Variants in ZIM3 observed in about 807,000 individuals in gnomAD.
The protein encoded by ZIM3 is zinc finger protein 657.
In ZIM3, 11 loss-of-function variants were observed where a neutral mutation model predicts 12.9. The observed-to-expected ratio is 0.85, with a 90% confidence interval of 0.54 to 1.41. ZIM3 has a LOEUF of 1.41. ZIM3 is among the 40% of genes most tolerant of loss of function. ZIM3 has a pLI of 0.00. For synonymous variants in ZIM3, 205 were observed against 198.5 expected (o/e 1.03, Z -0.28); for missense variants, 604 against 557.2 (o/e 1.08, Z -0.85).
rs150862431 is a variant in ZIM3 at position 57,135,688 on chromosome 19, G to C, written c.649C>G (p.His217Asp). ...KWKLDKHQKT[H>D]AEERPYKCEN... ...CATTTATAGGGCCTTTCCTCTGCGTGAGTTTTCTGATGTTTATCAAGCTTC... is the reference window on the plus strand; with the variant it reads ...CATTTATAGGGCCTTTCCTCTGCGTCAGTTTTCTGATGTTTATCAAGCTTC... The change falls in exon 5 of 5, where the codon CAC (histidine) becomes GAC (aspartate). Residue 217 changes from histidine (H) to aspartate (D), a missense_variant. By Grantham distance (81) the His-to-Asp change is moderately conservative (BLOSUM62 -1). Transcript: ENST00000269834. The C allele has an allele frequency of 5.3e-4, 852 of 1,613,634 alleles. 1 individual carries two copies. The highest frequency in any genetic ancestry group is 7.0e-4 in the Non-Finnish European group (830 of 1,179,988).
At position 57,137,910 on chromosome 19, in the gene ZIM3, G is replaced by A. The variant is rs1378534673; in HGVS notation, c.142+562C>T. ...AGGAAAGAAGGAAGGAAAGAAGGAA[G>A]GAAGGAAGGAAAGAAGGAAGGAAGG... On this transcript the variant is annotated intron_variant, in intron 3 of 4. Coordinates refer to ENST00000269834, the MANE Select transcript of ZIM3 (RefSeq NM_052882.1). Among the ~76,000 whole-genome samples, 22 of 48,558 alleles carry A rather than the reference G, an allele frequency of 4.5e-4. 1 individual carries two copies. The highest frequency in any genetic ancestry group is 2.2e-3 in the African/African-American group (20 of 8,892). The allele number at this position is 48,558 out of a possible 152,430, so 31.9% of individuals were successfully genotyped here.
rs1480621503 is a variant in ZIM3 at position 57,135,695 on chromosome 19, C to A, written c.642G>T (p.Gln214His). 4 of 1,613,684 alleles carry A rather than the reference C, an allele frequency of 2.5e-6. No homozygotes were observed. Among genetic ancestry groups the A allele is most frequent in the Non-Finnish European group, 3.4e-6 (4 of 1,180,010 alleles). The part of the protein sequence containing the change: ...FGEKWKLDKH[Q>H]KTHAEERPYK... ...AGGGCCTTTCCTCTGCGTGAGTTTT[C>A]TGATGTTTATCAAGCTTCCACTTCT... The change falls in exon 5 of 5, where the codon CAG (glutamine) becomes CAT (histidine). Residue 214 changes from glutamine (Q) to histidine (H), a missense_variant. Transcript: ENST00000269834.
intron 2 of ZIM3, among the ~76,000 whole-genome samples, chr19:57,141,317 C>T (rs530954106): frequency 2.0e-5 from 3 of 148,918 alleles, no homozygotes; most frequent in Non-Finnish European, 4.4e-5. Context: ...AGGAGAATCG[C>T]TTGAACCTGG....
rs1370447310 is a variant in ZIM3, at chr19:57,137,094, TTA to T, written c.143-125_143-124del. The T allele has an allele frequency of 6.6e-6, 6 of 909,874 alleles. No homozygotes were observed. The African/African-American group carries it at 9.8e-5, about 15-fold the overall frequency. The allele number at this position is 909,874 out of a possible 1,614,324, so 56.4% of individuals were successfully genotyped here. ...AATATTTGTGTGTGAGTGTGAGCAT[TTA>T]TATGTCAGTGTGTGGGTATGTGCCA... On this transcript the variant is annotated intron_variant, in intron 3 of 4. Transcript: ENST00000269834.
chr19:57,137,068 G>T, intron 3 of ZIM3, 97 bp from the exon 4 acceptor site: 1 of 1,107,936 alleles, frequency 9.0e-7, no homozygotes, highest in Non-Finnish European at 1.4e-6. Flanking sequence ...ATGCTTGTGT[G>T]AATATTTGTG....
chr19:57,136,751 C>G (rs929307333), intron 4 of ZIM3, 122 bp downstream of exon 4: 2 of 708,132 alleles, frequency 2.8e-6, no homozygotes, highest in Non-Finnish European at 4.9e-6. Context: ...GAGAAAAATA[C>G]CTGGAGATTT....
Position 57,134,920 on chromosome 19 carries a change from A to T in ZIM3, c.1417T>A (p.Ter473LysextTer24). The part of the protein sequence containing the change: ...VRHQKRIHSR[*>K] Reference sequence around the variant, plus strand: ...GTTTTTTTAAGTGCATGGGGCTCCTATCTGGAGTGAATTCTTTTCTGGTGC... The same window carrying T: ...GTTTTTTTAAGTGCATGGGGCTCCTTTCTGGAGTGAATTCTTTTCTGGTGC... Residue 473 changes from the stop codon to lysine, a stop_lost, in exon 5 of 5, where the codon TAG (stop) becomes AAG (lysine). Coordinates refer to ENST00000269834, the MANE Select transcript of ZIM3 (RefSeq NM_052882.1). 1 of 1,609,456 alleles carries T rather than the reference A, an allele frequency of 6.2e-7. No homozygotes were observed. Among genetic ancestry groups the T allele is most frequent in the Non-Finnish European group, 8.5e-7 (1 of 1,177,588 alleles).
intron 2 of ZIM3, among the ~76,000 whole-genome samples, chr19:57,138,899 G>A (rs1395154342): frequency 6.6e-6 from 1 of 152,166 alleles, no homozygotes; most frequent in Non-Finnish European, 1.5e-5. Flanking sequence ...TTTACTTAGA[G>A]TAAGGCAGAG....
At chr19:57,136,655 G>A (rs1273389617) in intron 4 of ZIM3, among the ~76,000 whole-genome samples, 9 of 116,932 alleles carry the variant, frequency 7.7e-5, no homozygotes, top group African/African-American at 2.8e-4. Flanking sequence ...CAGAGACTCC[G>A]TTTCCAGAAA....
In ZIM3 at chr19:57,142,662, C is replaced by A; in HGVS notation, c.-19G>T. The A allele has an allele frequency of 6.2e-7, 1 of 1,612,958 alleles. No individual in the cohort carries two copies. Among genetic ancestry groups the A allele is most frequent in the South Asian group, 1.1e-5 (1 of 90,878 alleles). On this transcript the variant is annotated 5_prime_UTR_variant, in exon 2 of 5. Coordinates refer to ENST00000269834, the MANE Select transcript of ZIM3 (RefSeq NM_052882.1). Reference sequence around the variant, plus strand: ...TGTTCATTTCCTGTTCTTCACCAGTCAGTAAAGTCTTGGGAAGGCAGATCT... The same window carrying A: ...TGTTCATTTCCTGTTCTTCACCAGTAAGTAAAGTCTTGGGAAGGCAGATCT...
At chr19:57,138,442 G>A (rs1000754016) in intron 3 of ZIM3, 30 bp downstream of exon 3, 43 of 1,613,792 alleles carry the variant, frequency 2.7e-5, no homozygotes, top group Non-Finnish European at 3.6e-5. Context: ...CTTAGGTTTT[G>A]AGTCCCCCTG....
At chr19:57,144,390 A>G (rs6510045) in intron 1 of ZIM3, among the ~76,000 whole-genome samples, 119,849 of 152,102 alleles carry the variant, frequency 0.79, 47,869 homozygotes, top group African/African-American at 0.91. Flanking sequence ...TTTAAAAAGA[A>G]TAAACTTGCC....
Position 57,135,310 on chromosome 19 carries a change from C to T in ZIM3, c.1027G>A (p.Ala343Thr). ...ATGACATTGGATTTCTGGGAAAAGG[C>T]CTTCTCACATATGCTACATTTATAG... ...KPYKCSICEK[A>T]FSQKSNVIDH... is the part of the protein sequence containing the mutation. Residue 343 changes from alanine (A) to threonine (T), a missense_variant, in exon 5 of 5, where the codon GCC (alanine) becomes ACC (threonine). Transcript: ENST00000269834. 1 of 1,614,068 alleles carries T rather than the reference C, an allele frequency of 6.2e-7. No individual in the cohort carries two copies.
intron 3 of ZIM3, among the ~76,000 whole-genome samples, 179 bp from the exon 4 acceptor site, chr19:57,137,150 G>A (rs1252184644): frequency 6.6e-6 from 1 of 152,138 alleles, no homozygotes; most frequent in Non-Finnish European, 1.5e-5. Context: ...GTGGATGGAT[G>A]GTTTGAGGGA....
Position 57,134,878 on chromosome 19 carries a change from C to A in ZIM3, c.*40G>T, listed in dbSNP as rs1398482668. 1.9e-6 allele frequency: 3 copies of A among 1,548,216 alleles called. No homozygotes were observed. Among genetic ancestry groups the A allele is most frequent in the African/African-American group, 2.8e-5 (2 of 72,200 alleles). On this transcript the variant is annotated 3_prime_UTR_variant, in exon 5 of 5. Coordinates refer to ENST00000269834, the MANE Select transcript of ZIM3 (RefSeq NM_052882.1). ...GGAATTCTGGGGTGACAATTCCAGG[C>A]AACCATATCTTCCCATGTTTTTTTA...
At chr19:57,142,711 G>A in intron 1 of ZIM3, 26 bp from the exon 2 acceptor site, 1 of 1,569,834 alleles carries the variant, frequency 6.4e-7, no homozygotes, top group South Asian at 1.1e-5. Flanking sequence ...AAAGAACCAT[G>A]AAATAGCAGA....
At chr19:57,143,224 G>T (rs1262938181) in intron 1 of ZIM3, among the ~76,000 whole-genome samples, 1 of 151,844 alleles carries the variant, frequency 6.6e-6, no homozygotes, top group South Asian at 2.1e-4. Context: ...CCAGCTACTC[G>T]GGAGGCTGAG....
At position 57,138,486 on chromosome 19, in the gene ZIM3, T is replaced by C. The variant is rs2086899862; in HGVS notation, c.128A>G (p.Asn43Ser). 1 of 1,613,920 alleles carries C rather than the reference T, an allele frequency of 6.2e-7. No homozygotes were observed. The highest frequency in any genetic ancestry group is 1.3e-5 in the African/African-American group (1 of 74,884). ...YRDVMLENYS[N>S]LVSVGQGETT... ...GCCGTCCTTACCCACAGAGACAAGG[T>C]TGCTGTAATTCTCCAGCATCACATC... The change falls in exon 3 of 5, where the codon AAC becomes AGC. Residue 43 changes from asparagine (N) to serine (S), a missense_variant. Coordinates refer to ENST00000269834, the MANE Select transcript of ZIM3 (RefSeq NM_052882.1).
intron 1 of ZIM3, among the ~76,000 whole-genome samples, chr19:57,143,202 G>A (rs2086921841): frequency 1.3e-5 from 2 of 151,982 alleles, no homozygotes; most frequent in Non-Finnish European, 2.9e-5. Flanking sequence ...GTGGTGGCGG[G>A]CGCCTGTAGT....
Sources: gnomAD v4.1 joint callset for allele counts (sites outside exome capture counted in the v4.1 genomes callset) on GRCh38, gnomAD v4.1.1 for gene constraint, MANE v1.5 for transcripts, NCBI Gene and HGNC (gene_info 2026-07-23, HGNC 2026-07-21) for gene names.